Variants in PLCE1 observed in about 807,000 individuals in gnomAD.
PLCE1 encodes the protein 1-phosphatidylinositol 4,5-bisphosphate phosphodiesterase epsilon-1.
A neutral mutation model predicts 242.8 loss-of-function variants in PLCE1; 119 were observed. The observed-to-expected ratio is 0.49, with a 90% confidence interval of 0.42 to 0.57. PLCE1 has a LOEUF of 0.57. PLCE1 is among the 20% of genes least tolerant of loss of function. The pLI is 0.00. For missense variants in PLCE1, 2,441 were observed against 2,788.8 expected (o/e 0.88, Z 2.81); for synonymous variants, 945 against 1,017.4 (o/e 0.93, Z 1.35).
chr10:94,307,014 A>G (rs2053226832), intron 26 of PLCE1, among the ~76,000 whole-genome samples: 1 of 152,188 alleles, frequency 6.6e-6, no homozygotes, highest in African/African-American at 2.4e-5. Flanking sequence ...GAGAGGAAAC[A>G]TGTCAGAGGG....
At chr10:94,008,924 G>T (rs1252780808) in intron 1 of PLCE1, among the ~76,000 whole-genome samples, 1 of 152,100 alleles carries the variant, frequency 6.6e-6, no homozygotes, top group Non-Finnish European at 1.5e-5. Flanking sequence ...TTGCAGGGTG[G>T]AACCATGGAT....
At chr10:94,153,786 C>T (rs143935898) in intron 3 of PLCE1, among the ~76,000 whole-genome samples, 49 of 152,002 alleles carry the variant, frequency 3.2e-4, no homozygotes, top group African/African-American at 8.4e-4. Context: ...AGTATGAAAA[C>T]GAAGCAAATA....
intron 2 of PLCE1, among the ~76,000 whole-genome samples, chr10:94,071,375 A>G (rs1001420884): frequency 7.9e-5 from 12 of 151,684 alleles, no homozygotes; most frequent in African/African-American, 2.9e-4. Context: ...ATTCCACCTC[A>G]GGCTGACTTT....
At position 94,306,620 on chromosome 10, in the gene PLCE1, C is replaced by T; in HGVS notation, c.5816C>T (p.Ala1939Val). ...HFEDLVFLRF[A>V]VVENNSSAVT... ...GAAGATCTTGTATTTCTTCGTTTTG[C>T]AGTTGTGGAAAACAATAGTTCAGCG... The change falls in exon 26 of 33, where the codon GCA becomes GTA. Residue 1939 changes from alanine (A) to valine (V), a missense_variant. Physicochemically the swap from Ala to Val is moderately conservative, Grantham distance 64. This residue lies in a region of PLCE1 where 1,004 missense variants were observed against 1,322.7 expected (regional missense o/e 0.76). Coordinates refer to ENST00000371380, the MANE Select transcript of PLCE1 (RefSeq NM_016341.4). This position sits in a 1 kb window ranked among gnomAD's most constrained non-coding sequence, Gnocchi z 5.7. The T allele has an allele frequency of 6.2e-7, 1 of 1,614,090 alleles. No homozygotes were observed. Among genetic ancestry groups the T allele is most frequent in the African/African-American group, 1.3e-5 (1 of 75,048 alleles).
intron 9 of PLCE1, among the ~76,000 whole-genome samples, chr10:94,253,657 C>A (rs2050960935): frequency 6.6e-6 from 1 of 152,142 alleles, no homozygotes; most frequent in South Asian, 2.1e-4. Context: ...ACCCAGCCTA[C>A]ACACTTTTAA....
intron 2 of PLCE1, among the ~76,000 whole-genome samples, chr10:94,087,017 T>TA (rs892250239): frequency 6.6e-5 from 10 of 151,188 alleles, no homozygotes; most frequent in South Asian, 2.1e-4. Flanking sequence ...AAATTCTGAT[T>TA]AAAAAAAAAT....
intron 4 of PLCE1, among the ~76,000 whole-genome samples, chr10:94,173,379 T>A (rs2048040403): frequency 6.6e-6 from 1 of 152,132 alleles, no homozygotes; most frequent in South Asian, 2.1e-4. Context: ...AAAATAAAAC[T>A]CCTGATGTTC....
rs766097369 is a variant in PLCE1, at chr10:94,236,047, A to G, written c.2347A>G (p.Thr783Ala). ...CCGGAGCTGCAATCGAAGTCTGGAG[A>G]CAGACGAGGAGGACAGCCCCAGTGA... ...VIRSCNRSLE[T>A]DEEDSPSEGN... is the part of the protein sequence containing the mutation. Residue 783 changes from threonine to alanine, a missense_variant, in exon 7 of 33, where the codon ACA (threonine) becomes GCA (alanine). Coordinates refer to ENST00000371380, the MANE Select transcript of PLCE1 (RefSeq NM_016341.4). 1.2e-5 allele frequency: 19 copies of G among 1,614,104 alleles called. No homozygotes were observed. In the South Asian group the frequency reaches 2.0e-4, roughly 17 times the overall value.
chr10:94,039,188 G>A (rs2061720002), intron 2 of PLCE1, among the ~76,000 whole-genome samples: 1 of 152,080 alleles, frequency 6.6e-6, no homozygotes, highest in East Asian at 1.9e-4. Context: ...GAATAATACT[G>A]CTGTGAGCAT....
intron 24 of PLCE1, among the ~76,000 whole-genome samples, chr10:94,303,607 C>A (rs2053108710): frequency 6.6e-6 from 1 of 152,212 alleles, no homozygotes; most frequent in African/African-American, 2.4e-5. Context: ...GTTTTTCTGG[C>A]TATTCTCCTA....
chr10:94,190,604 T>G (rs2048628493), intron 4 of PLCE1, among the ~76,000 whole-genome samples: 2 of 152,200 alleles, frequency 1.3e-5, no homozygotes, highest in East Asian at 3.9e-4. Context: ...ACACCCTAAC[T>G]CAAAAAACAA....
intron 2 of PLCE1, among the ~76,000 whole-genome samples, chr10:94,047,802 T>C (rs1479533073): frequency 6.6e-6 from 1 of 152,298 alleles, no homozygotes; most frequent in Admixed American, 6.5e-5. Flanking sequence ...AACCTCTACA[T>C]GTCCCTCCCT....
rs1236685246 is a variant in PLCE1 at position 94,273,533 on chromosome 10, G to A, written c.4507-29G>A. On this transcript the variant is annotated intron_variant, in intron 18 of 32. Transcript: ENST00000371380. ...TTATCAATTATAGATAAAAGGCATT[G>A]ATTGTATGTTTTCCTTCATTCTTTT... 3 of 1,596,782 alleles carry A rather than the reference G, an allele frequency of 1.9e-6. No individual in the cohort carries two copies. The East Asian group carries it at 6.7e-5, about 36-fold the overall frequency.
At chr10:94,203,974 T>C (rs2049062841) in intron 4 of PLCE1, among the ~76,000 whole-genome samples, 1 of 152,232 alleles carries the variant, frequency 6.6e-6, no homozygotes, top group Admixed American at 6.5e-5. Context: ...AGGCAACCTC[T>C]TGGGGCCTTA....
intron 4 of PLCE1, among the ~76,000 whole-genome samples, chr10:94,209,619 C>T (rs2049270368): frequency 6.6e-6 from 1 of 152,080 alleles, no homozygotes; most frequent in African/African-American, 2.4e-5. Flanking sequence ...TAGGTATGTT[C>T]TATGAATGAA....
At chr10:94,113,429 T>C (rs2046017291) in intron 2 of PLCE1, among the ~76,000 whole-genome samples, 1 of 152,122 alleles carries the variant, frequency 6.6e-6, no homozygotes, top group African/African-American at 2.4e-5. Flanking sequence ...CAAAATAAAG[T>C]AAATCCTGGT....
At chr10:94,175,420 T>C (rs966499194) in intron 4 of PLCE1, among the ~76,000 whole-genome samples, 12 of 152,292 alleles carry the variant, frequency 7.9e-5, no homozygotes, top group Admixed American at 5.9e-4. Context: ...TTATTTCAAT[T>C]TTTTAGTTTT....
At chr10:94,189,499 T>C (rs2048593971) in intron 4 of PLCE1, among the ~76,000 whole-genome samples, 1 of 152,072 alleles carries the variant, frequency 6.6e-6, no homozygotes, top group Admixed American at 6.6e-5. Context: ...AAGATATAGA[T>C]GCCAGGAAGA....
At chr10:94,299,019 T>C (rs779338382) in intron 24 of PLCE1, among the ~76,000 whole-genome samples, 23 of 152,208 alleles carry the variant, frequency 1.5e-4, no homozygotes, top group Non-Finnish European at 2.9e-4. Flanking sequence ...TTAACCTGTC[T>C]CACTACGCAG....
Sources: gnomAD v4.1 joint callset for allele counts (sites outside exome capture counted in the v4.1 genomes callset) on GRCh38, gnomAD v4.1.1 for gene constraint, gnomAD v4.1.1 regional missense constraint, Gnocchi (gnomAD v3.1) non-coding constraint, MANE v1.5 for transcripts, NCBI Gene and HGNC (gene_info 2026-07-23, HGNC 2026-07-21) for gene names.